PCDHGB6: variants seen among roughly 807,000 people sequenced by gnomAD.
The protein encoded by PCDHGB6 is protocadherin gamma subfamily B, 6, also known as protocadherin gamma-B6.
A neutral mutation model predicts 59.1 loss-of-function variants in PCDHGB6; 51 were observed. The observed-to-expected ratio is 0.86, with a 90% confidence interval of 0.69 to 1.09. The LOEUF is 1.09. Among genes scored for constraint, PCDHGB6 ranks in the 50% least tolerant of loss-of-function variants. The pLI is 0.00. For synonymous variants in PCDHGB6, 466 were observed against 495.1 expected (o/e 0.94, Z 0.78); for missense variants, 1,148 against 1,205.1 (o/e 0.95, Z 0.70).
At chr5:141,483,487 A>G (rs777951096) in intron 1 of PCDHGB6, among the ~76,000 whole-genome samples, 4 of 152,006 alleles carry the variant, frequency 2.6e-5, no homozygotes, top group Non-Finnish European at 5.9e-5. Context: ...AGTGAGGGAC[A>G]GGGATGAGTC....
chr5:141,481,781 G>A (rs957054361), intron 1 of PCDHGB6, among the ~76,000 whole-genome samples: 3 of 151,998 alleles, frequency 2.0e-5, no homozygotes, highest in Admixed American at 6.6e-5. Context: ...GTGAAACCCC[G>A]TCTCTACTAA....
intron 2 of PCDHGB6, among the ~76,000 whole-genome samples, chr5:141,496,207 T>C (rs973745475): frequency 6.6e-6 from 1 of 152,134 alleles, no homozygotes; most frequent in Non-Finnish European, 1.5e-5. Flanking sequence ...CAATCTGGTA[T>C]GAATTCCTGC....
At position 141,410,285 on chromosome 5, in the gene PCDHGB6, G is replaced by T. The variant is rs746596172; in HGVS notation, c.2083G>T (p.Ala695Ser). 7 of 1,614,010 alleles carry T rather than the reference G, an allele frequency of 4.3e-6. No homozygotes were observed. The Admixed American group carries it at 1.2e-4, about 27-fold the overall frequency. The part of the protein sequence containing the change: ...QAELQFYLVV[A>S]LALISVLFLL... ...TGAACTGCAGTTTTACCTGGTGGTGGCCTTGGCCTTAATCTCAGTGCTCTT... is the reference window on the plus strand; with the variant it reads ...TGAACTGCAGTTTTACCTGGTGGTGTCCTTGGCCTTAATCTCAGTGCTCTT... The change falls in exon 1 of 4, where the codon GCC (alanine) becomes TCC (serine). Residue 695 changes from alanine (A) to serine (S), a missense_variant. Physicochemically the swap from Ala to Ser is moderately conservative, Grantham distance 99 (BLOSUM62 1). Coordinates refer to ENST00000520790, the MANE Select transcript of PCDHGB6 (RefSeq NM_018926.3).
At chr5:141,411,423 CA>C (rs200531177) in intron 1 of PCDHGB6, 3 of 147,666 alleles carry the variant, frequency 2.0e-5, no homozygotes, top group Admixed American at 6.8e-5. Context: ...ACAACAACAA[CA>C]AAAAAAAACA....
chr5:141,477,857 C>T lies in PCDHGB6; in HGVS notation c.2419-16950C>T. ...AGGTGGGAGCTCGGTGGAGATGCTG[C>T]CTCGAGGTACCTCAGCTGGCCACCT... On this transcript the variant is annotated intron_variant, in intron 1 of 3. Transcript: ENST00000520790. The surrounding 1 kb of genome is among the most constrained non-coding windows in gnomAD (Gnocchi z 4.9). The T allele has an allele frequency of 6.2e-7, 1 of 1,613,574 alleles. No individual in the cohort carries two copies. The highest frequency in any genetic ancestry group is 8.5e-7 in the Non-Finnish European group (1 of 1,179,836).
chr5:141,505,614 A>G (rs2154593732), intron 3 of PCDHGB6, 133 bp downstream of exon 3: 1 of 1,510,758 alleles, frequency 6.6e-7, no homozygotes, highest in Non-Finnish European at 8.9e-7. Context: ...GTCTGAAAGG[A>G]CCCACAATTC....
At chr5:141,423,975 A>G in intron 1 of PCDHGB6, 2 of 1,126,024 alleles carry the variant, frequency 1.8e-6, no homozygotes, top group Non-Finnish European at 2.2e-6. Flanking sequence ...TTATCAGTGT[A>G]TGAGGCTCTC....
At chr5:141,419,254 C>A in intron 1 of PCDHGB6, 1 of 1,614,020 alleles carries the variant, frequency 6.2e-7, no homozygotes, top group Non-Finnish European at 8.5e-7. Context: ...CAGAAAACAA[C>A]CAGCCGGGTG....
In PCDHGB6 at chr5:141,432,361, G is replaced by A; in HGVS notation, c.2418+21741G>A. 1 of 1,614,230 alleles carries A rather than the reference G, an allele frequency of 6.2e-7. No individual in the cohort carries two copies. Among genetic ancestry groups the A allele is most frequent in the Non-Finnish European group, 8.5e-7 (1 of 1,180,050 alleles). On this transcript the variant is annotated intron_variant, in intron 1 of 3. Coordinates refer to ENST00000520790, the MANE Select transcript of PCDHGB6 (RefSeq NM_018926.3). The surrounding 1 kb of genome is among the most constrained non-coding windows in gnomAD (Gnocchi z 6.0). Reference sequence around the variant, plus strand: ...GAGACTTGCAAGTGAAAGTGATGGCGCGGGACAACGGGCACCCGCCCCTCA... The same window carrying A: ...GAGACTTGCAAGTGAAAGTGATGGCACGGGACAACGGGCACCCGCCCCTCA...
chr5:141,413,002 G>A, intron 1 of PCDHGB6: 2 of 597,506 alleles, frequency 3.3e-6, no homozygotes, highest in East Asian at 3.0e-5. Context: ...GGATTCTCAG[G>A]GCTTCAACTA....
intron 1 of PCDHGB6, among the ~76,000 whole-genome samples, chr5:141,462,783 T>C (rs1313584666): frequency 6.6e-6 from 1 of 152,236 alleles, no homozygotes; most frequent in Non-Finnish European, 1.5e-5. Flanking sequence ...CATAATTTGT[T>C]GCTTATTTGC....
At chr5:141,413,873 G>A (rs544856148) in intron 1 of PCDHGB6, 4 of 1,613,372 alleles carry the variant, frequency 2.5e-6, no homozygotes, top group Admixed American at 1.7e-5. Context: ...GTCCTTGTCA[G>A]TGTGACTGTC....
chr5:141,489,904 C>T lies in PCDHGB6; in HGVS notation c.2419-4903C>T, dbSNP rs750411680. On this transcript the variant is annotated intron_variant, in intron 1 of 3. Transcript: ENST00000520790. This position sits in a 1 kb window ranked among gnomAD's most constrained non-coding sequence, Gnocchi z 4.5. ...TGCTGTGGATGGGGGGACCCCAGCC[C>T]GCTCAGGGACCACCCTTATCTCTGT... 1.6e-5 allele frequency: 26 copies of T among 1,614,092 alleles called. No homozygotes were observed. The highest frequency in any genetic ancestry group is 3.3e-5 in the Admixed American group (2 of 60,014).
intron 1 of PCDHGB6, among the ~76,000 whole-genome samples, chr5:141,442,789 T>C (rs2098343347): frequency 6.6e-6 from 1 of 152,196 alleles, no homozygotes; most frequent in African/African-American, 2.4e-5. Flanking sequence ...ATTTTATAAT[T>C]TTACTTTGAT....
intron 1 of PCDHGB6, among the ~76,000 whole-genome samples, chr5:141,452,103 TTTCTC>T (rs1428635203): frequency 1.3e-5 from 2 of 152,186 alleles, no homozygotes; most frequent in African/African-American, 4.8e-5. Context: ...AGAGCTTTCT[TTTCTC>T]TTCTTATTTA....
In PCDHGB6 at chr5:141,408,697, C is replaced by T. The variant is rs58047392; in HGVS notation, c.495C>T (p.Asn165=). ...CCACGGATCCTGATATAAACATAAACTCAATTAAAGATTATAAGATAAACT... is the reference window on the plus strand; with the variant it reads ...CCACGGATCCTGATATAAACATAAATTCAATTAAAGATTATAAGATAAACT... ...DPATDPDINI[N]SIKDYKINSN... The change falls in exon 1 of 4, where the codon AAC becomes AAT. Residue 165 remains asparagine (N), a synonymous_variant. Transcript: ENST00000520790. 0.14 allele frequency: 227,396 copies of T among 1,612,898 alleles called. 18,149 individuals carry two copies. Among genetic ancestry groups the T allele is most frequent in the African/African-American group, 0.31 (23,452 of 74,892 alleles).
At chr5:141,450,898 C>T (rs929869116) in intron 1 of PCDHGB6, among the ~76,000 whole-genome samples, 12 of 150,412 alleles carry the variant, frequency 8.0e-5, no homozygotes, top group African/African-American at 2.9e-4. Context: ...GATATCGGCT[C>T]ACTGCAACCG....
At chr5:141,483,082 C>T (rs2099576709) in intron 1 of PCDHGB6, among the ~76,000 whole-genome samples, 1 of 151,662 alleles carries the variant, frequency 6.6e-6, no homozygotes, top group African/African-American at 2.4e-5. Flanking sequence ...GAGACTCCAT[C>T]TCAAAAAAAA....
At position 141,486,315 on chromosome 5, in the gene PCDHGB6, C is replaced by T. The variant is rs1432435944; in HGVS notation, c.2419-8492C>T. The T allele has an allele frequency of 6.2e-7, 1 of 1,614,066 alleles. No individual in the cohort carries two copies. Among genetic ancestry groups the T allele is most frequent in the East Asian group, 2.2e-5 (1 of 44,862 alleles). ...AGTGTGCAGGATCCAGACTCAGGGT[C>T]AAACGGAGATGTGAGCCTCCGCATT... On this transcript the variant is annotated intron_variant, in intron 1 of 3. Transcript: ENST00000520790. The surrounding 1 kb of genome is among the most constrained non-coding windows in gnomAD (Gnocchi z 5.0).
Sources: gnomAD v4.1 joint callset for allele counts (sites outside exome capture counted in the v4.1 genomes callset) on GRCh38, gnomAD v4.1.1 for gene constraint, Gnocchi (gnomAD v3.1) non-coding constraint, MANE v1.5 for transcripts, NCBI Gene and HGNC (gene_info 2026-07-23, HGNC 2026-07-21) for gene names.